The following CYP3A5 variants were observed in gnomAD, a reference collection of about 807,000 sequenced individuals.
CYP3A5 encodes the protein cytochrome P450 family 3 subfamily A member 5.
In CYP3A5, 51 loss-of-function variants were observed where a neutral mutation model predicts 55.9. The ratio of observed to expected loss-of-function variants is 0.91; its 90% confidence interval spans 0.73 to 1.15. CYP3A5 has a LOEUF of 1.15. Among genes scored for constraint, CYP3A5 ranks in the 50% most tolerant of loss-of-function variants. CYP3A5 has a pLI of 0.00. For missense variants in CYP3A5, 533 were observed against 596.6 expected, an observed-to-expected ratio of 0.89 and a Z score of 1.11; for synonymous variants, 196 against 213.9, an observed-to-expected ratio of 0.92 and a Z score of 0.73.
At chr7:99,664,197 TGA>T (rs1052929726) in intron 7 of CYP3A5, 102 bp from the exon 8 acceptor site, 1 of 1,026,494 alleles carries the variant, frequency 9.7e-7, no homozygotes, top group Non-Finnish European at 1.5e-6. Context: ...AAGAACATCA[TGA>T]TTCTCAACTG....
At chr7:99,650,019 A>AT in intron 12 of CYP3A5, 54 bp downstream of exon 12, 1 of 1,593,016 alleles carries the variant, frequency 6.3e-7, no homozygotes. Flanking sequence ...TTTAAAAAAT[A>AT]TATACCCTTC....
At chr7:99,677,498 G>A (rs547849916) in intron 1 of CYP3A5, among the ~76,000 whole-genome samples, 11 of 152,320 alleles carry the variant, frequency 7.2e-5, no homozygotes, top group Middle Eastern at 3.4e-3. Flanking sequence ...AAAACGTCCC[G>A]GAGAGTTGTA....
chr7:99,675,660 T>C (rs1438169741), intron 2 of CYP3A5, among the ~76,000 whole-genome samples: 1 of 344 alleles, frequency 2.9e-3, no homozygotes, highest in Non-Finnish European at 6.3e-3. Flanking sequence ...TCCCCTCCCC[T>C]CCCCTCCCCT....
intron 4 of CYP3A5, among the ~76,000 whole-genome samples, chr7:99,669,670 A>T (rs1811384652): frequency 6.6e-6 from 1 of 152,206 alleles, no homozygotes; most frequent in Non-Finnish European, 1.5e-5. Flanking sequence ...CACTACAGAT[A>T]CGGCACAACT....
At chr7:99,659,740 G>T (rs1326120509) in intron 10 of CYP3A5, 1 of 152,944 alleles carries the variant, frequency 6.5e-6, no homozygotes, top group Non-Finnish European at 1.5e-5. Context: ...GAGCTTCCTG[G>T]CAGCTTTGTT....
At chr7:99,676,026 C>T (rs1812240255) in intron 2 of CYP3A5, 89 bp downstream of exon 2, 1 of 1,104,384 alleles carries the variant, frequency 9.1e-7, no homozygotes, top group East Asian at 2.4e-5. Flanking sequence ...AACCTCAGAA[C>T]TCCCTCCCAA....
chr7:99,663,683 C>A, intron 8 of CYP3A5: 1 of 1,036,332 alleles, frequency 9.6e-7, no homozygotes, highest in Non-Finnish European at 1.2e-6. Flanking sequence ...TATCCTTTGA[C>A]AATTTATTAA....
At chr7:99,679,306 G>A (rs564949839) in intron 1 of CYP3A5, among the ~76,000 whole-genome samples, 80 of 152,212 alleles carry the variant, frequency 5.3e-4, no homozygotes, top group Middle Eastern at 3.4e-3. Flanking sequence ...CCCCTGGTGC[G>A]TTATGTAAAT....
At chr7:99,658,501 G>A (rs1265787787) in intron 10 of CYP3A5, among the ~76,000 whole-genome samples, 2 of 151,884 alleles carry the variant, frequency 1.3e-5, no homozygotes, top group Non-Finnish European at 2.9e-5. Flanking sequence ...CTTTCTCTCT[G>A]GCTGCCCTTA....
At chr7:99,667,124 C>A in intron 4 of CYP3A5, 59 bp from the exon 5 acceptor site, 5 of 1,484,234 alleles carry the variant, frequency 3.4e-6, no homozygotes, top group Non-Finnish European at 4.7e-6. Context: ...CATGGTTGCA[C>A]AAAATATATT....
chr7:99,657,700 A>T (rs1345825170), intron 10 of CYP3A5, among the ~76,000 whole-genome samples: 1 of 152,146 alleles, frequency 6.6e-6, no homozygotes, highest in Non-Finnish European at 1.5e-5. Flanking sequence ...GTCTTCCATT[A>T]TTATTGTGTG....
In CYP3A5 at chr7:99,679,797, C is replaced by G. The variant is rs1262345046; in HGVS notation, c.71+29G>C. ...GATTAGCACCCCAAGTCCAAGGAAA[C>G]AAAGAGAGGAGTTTGGACAGTTACT... On this transcript the variant is annotated intron_variant, in intron 1 of 12. Coordinates refer to ENST00000222982, the MANE Select transcript of CYP3A5 (RefSeq NM_000777.5). 7 of 1,612,182 alleles carry G rather than the reference C, an allele frequency of 4.3e-6. 1 individual carries two copies. In the African/African-American group the frequency reaches 5.3e-5, roughly 12 times the overall value.
intron 12 of CYP3A5, among the ~76,000 whole-genome samples, chr7:99,648,909 CAGAA>C (rs1374144735): frequency 6.6e-6 from 1 of 152,170 alleles, no homozygotes; most frequent in Non-Finnish European, 1.5e-5. Flanking sequence ...GAAATGTCTT[CAGAA>C]AGAATTATTC....
intron 10 of CYP3A5, among the ~76,000 whole-genome samples, chr7:99,654,484 T>C (rs895983551): frequency 3.9e-5 from 6 of 152,242 alleles, no homozygotes; most frequent in African/African-American, 7.2e-5. Flanking sequence ...TCTATCATTA[T>C]TGGACATTTG....
intron 11 of CYP3A5, 44 bp from the exon 12 acceptor site, chr7:99,650,276 A>G: frequency 6.3e-7 from 1 of 1,585,042 alleles, no homozygotes; most frequent in Non-Finnish European, 8.6e-7. Context: ...AAACATAAAA[A>G]CCACAGAGTT....
intron 4 of CYP3A5, chr7:99,671,764 A>G (rs1306577060): frequency 8.6e-6 from 6 of 701,380 alleles, no homozygotes; most frequent in Non-Finnish European, 1.3e-5. Flanking sequence ...TTGCTCTGAT[A>G]TAGAACCTGT....
intron 11 of CYP3A5, among the ~76,000 whole-genome samples, chr7:99,651,261 T>C (rs1809157104): frequency 1.3e-5 from 2 of 152,166 alleles, no homozygotes; most frequent in Admixed American, 6.5e-5. Context: ...CTAATATATA[T>C]ATACACACAC....
In CYP3A5 at chr7:99,672,504, AAT is replaced by A. The variant is rs1273402196; in HGVS notation, c.318+74_318+75del. Reference sequence around the variant, plus strand: ...TACATTTTTTAGGTAACCTTCTGTGAATATATGTTTTTTTCAAAATAAAAATT... The same window carrying A: ...TACATTTTTTAGGTAACCTTCTGTGAATATGTTTTTTTCAAAATAAAAATT... On this transcript the variant is annotated intron_variant, in intron 4 of 12. Transcript: ENST00000222982. The A allele has an allele frequency of 5.5e-6, 7 of 1,283,498 alleles. No homozygotes were observed. The African/African-American group carries it at 5.8e-5, about 11-fold the overall frequency. The allele number at this position is 1,283,498 out of a possible 1,614,324, so 79.5% of individuals were successfully genotyped here. A position where few individuals can be genotyped will look rare whatever the true frequency, so the allele number is the denominator to read the frequency against.
chr7:99,676,372 C>G (rs774294315), intron 1 of CYP3A5, 164 bp from the exon 2 acceptor site: 5 of 1,527,524 alleles, frequency 3.3e-6, no homozygotes, highest in Non-Finnish European at 2.6e-6. Context: ...TCATCAGGTC[C>G]TTTCCTGACT....
Sources: gnomAD v4.1 joint callset for allele counts (sites outside exome capture counted in the v4.1 genomes callset) on GRCh38, gnomAD v4.1.1 for gene constraint, MANE v1.5 for transcripts, NCBI Gene and HGNC (gene_info 2026-07-23, HGNC 2026-07-21) for gene names.